The following COL7A1 variants were observed in gnomAD, a reference collection of about 807,000 sequenced individuals.
The protein encoded by COL7A1 is collagen type VII alpha 1 chain.
A neutral mutation model predicts 456.2 loss-of-function variants in COL7A1; 296 were observed. The ratio of observed to expected loss-of-function variants is 0.65; its 90% CI spans 0.59 to 0.71. COL7A1 has a LOEUF of 0.71. Among genes scored for constraint, COL7A1 ranks in the 30% least tolerant of loss-of-function variants. The pLI is 0.00. For synonymous variants in COL7A1, 1,464 were observed against 1,525.9 expected (o/e 0.96, Z 0.95); for missense variants, 3,441 against 4,017.2 (o/e 0.86, Z 3.88).
chr3:48,575,966 C>T lies in COL7A1; in HGVS notation c.5821-64G>A, dbSNP rs549712143. Reference sequence around the variant, plus strand: ...AGAAGCTCCTGCCTTCTGCCCCGCACGGCCTCAGGAAAGCACCTTCACACC... The same window carrying T: ...AGAAGCTCCTGCCTTCTGCCCCGCATGGCCTCAGGAAAGCACCTTCACACC... On this transcript the variant is annotated intron_variant, in intron 71 of 118. Coordinates refer to ENST00000681320, the MANE Select transcript of COL7A1 (RefSeq NM_000094.4). This position sits in a 1 kb window ranked among gnomAD's most constrained non-coding sequence, Gnocchi z 6.3. The T allele has an allele frequency of 5.3e-5, 86 of 1,612,608 alleles. 1 individual carries two copies. Among genetic ancestry groups the T allele is most frequent in the African/African-American group, 3.3e-4 (25 of 75,020 alleles).
rs1196926411 is a variant in COL7A1 at position 48,572,233 on chromosome 3, G to A, written c.6979-62C>T. 8.1e-6 allele frequency: 13 copies of A among 1,612,886 alleles called. No individual in the cohort carries two copies. Among genetic ancestry groups the A allele is most frequent in the Non-Finnish European group, 1.0e-5 (12 of 1,179,066 alleles). On this transcript the variant is annotated intron_variant, in intron 90 of 118. Coordinates refer to ENST00000681320, the MANE Select transcript of COL7A1 (RefSeq NM_000094.4). This position sits in a 1 kb window ranked among gnomAD's most constrained non-coding sequence, Gnocchi z 4.6. ...TCACAGAAAGATGAGACTCCGGAGG[G>A]AGGCATGGGGCCAGAGCTTAAATAT...
chr3:48,573,997 C>T lies in COL7A1; in HGVS notation c.6502-107G>A, dbSNP rs2044111963. ...GGTCAATTTCCATACCTCACCCTTT[C>T]CAGTCACAGATAATACCTACCCATG... On this transcript the variant is annotated intron_variant, in intron 80 of 118. Transcript: ENST00000681320. This position sits in a 1 kb window ranked among gnomAD's most constrained non-coding sequence, Gnocchi z 5.5. 2 of 1,424,484 alleles carry T rather than the reference C, an allele frequency of 1.4e-6. No homozygotes were observed. Among genetic ancestry groups the T allele is most frequent in the South Asian group, 2.4e-5 (2 of 82,312 alleles). The allele number at this position is 1,424,484 out of a possible 1,614,324, so 88.2% of individuals were successfully genotyped here.
Position 48,580,485 on chromosome 3 carries a change from G to A in COL7A1, c.5052+96C>T. On this transcript the variant is annotated intron_variant, in intron 55 of 118. Transcript: ENST00000681320. The surrounding 1 kb of genome is among the most constrained non-coding windows in gnomAD (Gnocchi z 4.5). ...GTCAAAGGAAGTGAAGATTGGGAGG[G>A]TTTAGCATTACAGGGTTGGGGGGTA... 2 of 1,497,768 alleles carry A rather than the reference G, an allele frequency of 1.3e-6. No individual in the cohort carries two copies. Among genetic ancestry groups the A allele is most frequent in the Admixed American group, 1.8e-5 (1 of 55,000 alleles). The allele number at this position is 1,497,768 out of a possible 1,614,324, so 92.8% of individuals were successfully genotyped here. A position where few individuals can be genotyped will look rare whatever the true frequency, so the allele number is the denominator to read the frequency against.
Position 48,568,264 on chromosome 3 carries a change from G to A in COL7A1, c.7795-94C>T. On this transcript the variant is annotated intron_variant, in intron 105 of 118. Transcript: ENST00000681320. This position sits in a 1 kb window ranked among gnomAD's most constrained non-coding sequence, Gnocchi z 5.2. ...AGTGGGTAGGGAACACCATGGGGTG[G>A]GAGTCACCTCTGGAGGCCAGAGCCA... The A allele has an allele frequency of 1.4e-6, 2 of 1,431,906 alleles. No homozygotes were observed. Among genetic ancestry groups the A allele is most frequent in the Non-Finnish European group, 1.9e-6 (2 of 1,027,282 alleles). The allele number at this position is 1,431,906 out of a possible 1,614,324, so 88.7% of individuals were successfully genotyped here. A position where few individuals can be genotyped will look rare whatever the true frequency, so the allele number is the denominator to read the frequency against.
Position 48,571,185 on chromosome 3 carries a change from C to G in COL7A1, c.7105-25G>C, listed in dbSNP as rs2043895430. ...CCTTTGAGGAAAAGAGGCATCGGAT[C>G]AAGCTCAGGGAGTCTCACGACCAGG... On this transcript the variant is annotated intron_variant, in intron 93 of 118. Coordinates refer to ENST00000681320, the MANE Select transcript of COL7A1 (RefSeq NM_000094.4). The surrounding 1 kb of genome is among the most constrained non-coding windows in gnomAD (Gnocchi z 4.6). 6.2e-7 allele frequency: 1 copy of G among 1,614,092 alleles called. No homozygotes were observed. The highest frequency in any genetic ancestry group is 8.5e-7 in the Non-Finnish European group (1 of 1,180,038).
Position 48,585,800 on chromosome 3 carries a change from T to G in COL7A1, c.3786+30A>C. ...CCTGCCCCACTGACACTCAACCCAT[T>G]CTCTATTCCCCGCCCGCAGGGGCAC... On this transcript the variant is annotated intron_variant, in intron 30 of 118. Coordinates refer to ENST00000681320, the MANE Select transcript of COL7A1 (RefSeq NM_000094.4). The surrounding 1 kb of genome is among the most constrained non-coding windows in gnomAD (Gnocchi z 4.5). 6.2e-7 allele frequency: 1 copy of G among 1,614,020 alleles called. No homozygotes were observed. Among genetic ancestry groups the G allele is most frequent in the South Asian group, 1.1e-5 (1 of 91,078 alleles).
Position 48,586,631 on chromosome 3 carries a change from T to A in COL7A1, c.3335A>T (p.His1112Leu). The A allele has an allele frequency of 6.2e-7, 1 of 1,613,566 alleles. No homozygotes were observed. Among genetic ancestry groups the A allele is most frequent in the Non-Finnish European group, 8.5e-7 (1 of 1,179,962 alleles). Residue 1112 changes from histidine (H) to leucine (L), a missense_variant, in exon 26 of 119, where the codon CAT (histidine) becomes CTT (leucine). Physicochemically the swap from His to Leu is moderately conservative, Grantham distance 99 (BLOSUM62 -3). Coordinates refer to ENST00000681320, the MANE Select transcript of COL7A1 (RefSeq NM_000094.4). This position sits in a 1 kb window ranked among gnomAD's most constrained non-coding sequence, Gnocchi z 5.1. ...CCTTTGCAAGATAATGCCAAGGTCA[T>A]GGGAGCCATTCAGTGGGAACAGTGG... Reference protein sequence around the residue: ...PSPLFPLNGSHDLGIILQRIR... With the variant: ...PSPLFPLNGSLDLGIILQRIR...
chr3:48,590,403 G>T lies in COL7A1; in HGVS notation c.1907-47C>A. 1 of 1,614,024 alleles carries T rather than the reference G, an allele frequency of 6.2e-7. No homozygotes were observed. Among genetic ancestry groups the T allele is most frequent in the Non-Finnish European group, 8.5e-7 (1 of 1,179,996 alleles). On this transcript the variant is annotated intron_variant, in intron 15 of 118. Transcript: ENST00000681320. The surrounding 1 kb of genome is among the most constrained non-coding windows in gnomAD (Gnocchi z 4.6). ...GGCATGGCTCCTGCCTGTCCCCTCTGGCACCCATACCCTCATTGGTCCCTT... is the reference window on the plus strand; with the variant it reads ...GGCATGGCTCCTGCCTGTCCCCTCTTGCACCCATACCCTCATTGGTCCCTT...
In COL7A1 at chr3:48,572,107, C is replaced by G. The variant is rs2043963836; in HGVS notation, c.7023+20G>C. 2 of 1,613,932 alleles carry G rather than the reference C, an allele frequency of 1.2e-6. No homozygotes were observed. Among genetic ancestry groups the G allele is most frequent in the Non-Finnish European group, 1.7e-6 (2 of 1,179,938 alleles). ...GCCTTCTCTGCTCAGTAGTCAGGCC[C>G]CAGGGCCAACCCACCTCACCTTCTC... On this transcript the variant is annotated intron_variant, in intron 91 of 118. Transcript: ENST00000681320. The surrounding 1 kb of genome is among the most constrained non-coding windows in gnomAD (Gnocchi z 4.6).
At position 48,567,488 on chromosome 3, in the gene COL7A1, T is replaced by C; in HGVS notation, c.8046+86A>G. The C allele has an allele frequency of 6.3e-7, 1 of 1,576,928 alleles. No individual in the cohort carries two copies. The highest frequency in any genetic ancestry group is 1.1e-5 in the South Asian group (1 of 90,332). ...AAGTCCCAACCCTCTACAGCCTTCC[T>C]TGTCCCTACACCCCCATGACCCGAC... On this transcript the variant is annotated intron_variant, in intron 109 of 118. Coordinates refer to ENST00000681320, the MANE Select transcript of COL7A1 (RefSeq NM_000094.4). The surrounding 1 kb of genome is among the most constrained non-coding windows in gnomAD (Gnocchi z 4.3).
Position 48,581,267 on chromosome 3 carries a change from C to T in COL7A1, c.4892G>A (p.Gly1631Glu). 6.2e-7 allele frequency: 1 copy of T among 1,613,428 alleles called. No individual in the cohort carries two copies. The highest frequency in any genetic ancestry group is 8.5e-7 in the Non-Finnish European group (1 of 1,179,830). The change falls in exon 52 of 119, where the codon GGA becomes GAA. Residue 1631 changes from glycine (G) to glutamate (E), a missense_variant. By Grantham distance (98) the Gly-to-Glu change is moderately conservative. This residue lies in a region of COL7A1 where 2,084 missense variants were observed against 2,501.3 expected (regional missense o/e 0.83). Coordinates refer to ENST00000681320, the MANE Select transcript of COL7A1 (RefSeq NM_000094.4). This position sits in a 1 kb window ranked among gnomAD's most constrained non-coding sequence, Gnocchi z 5.8. ...CCGACTCCAGCCTCTTACATCTCGT[C>T]CTCGGGGGCCAACAGGTCCTGGGGG... ...PGPPGPVGPR[G>E]RDGEVGEKGD...
chr3:48,579,856 G>A lies in COL7A1; in HGVS notation c.5125-42C>T, dbSNP rs751208851. The A allele has an allele frequency of 1.2e-6, 2 of 1,614,008 alleles. No homozygotes were observed. Among genetic ancestry groups the A allele is most frequent in the Non-Finnish European group, 1.7e-6 (2 of 1,179,962 alleles). ...CAGTGAGAAGAATGGCTCAACAAGG[G>A]GAAGAGGAGTTGGCGAGGGGATACA... On this transcript the variant is annotated intron_variant, in intron 57 of 118. Coordinates refer to ENST00000681320, the MANE Select transcript of COL7A1 (RefSeq NM_000094.4). The surrounding 1 kb of genome is among the most constrained non-coding windows in gnomAD (Gnocchi z 4.4).
chr3:48,567,325 T>C lies in COL7A1; in HGVS notation c.8047-135A>G. On this transcript the variant is annotated intron_variant, in intron 109 of 118. Transcript: ENST00000681320. The surrounding 1 kb of genome is among the most constrained non-coding windows in gnomAD (Gnocchi z 4.3). ...CAAGCACCTGTGAGCCAACCAGATG[T>C]GATCCCCATGACTCCAACTCCACTA... 1 of 1,129,890 alleles carries C rather than the reference T, an allele frequency of 8.9e-7. No individual in the cohort carries two copies. 70.0% of individuals were successfully genotyped at this position (1,129,890 alleles called of 1,614,324 possible). A position where few individuals can be genotyped will look rare whatever the true frequency, so the allele number is the denominator to read the frequency against.
Position 48,592,995 on chromosome 3 carries a change from C to T in COL7A1, c.683-57G>A. The T allele has an allele frequency of 6.2e-7, 1 of 1,612,260 alleles. No homozygotes were observed. Among genetic ancestry groups the T allele is most frequent in the Non-Finnish European group, 8.5e-7 (1 of 1,179,390 alleles). On this transcript the variant is annotated intron_variant, in intron 6 of 118. Coordinates refer to ENST00000681320, the MANE Select transcript of COL7A1 (RefSeq NM_000094.4). This position sits in a 1 kb window ranked among gnomAD's most constrained non-coding sequence, Gnocchi z 7.6. ...AGGATTGGGGTGGGCATGTATGATG[C>T]AGAGTTGGGGTCGGGGTCAGGAGCA... is the stretch of plus-strand genomic sequence containing the variant.
rs1457557090 is a variant in COL7A1 at position 48,585,164 on chromosome 3, C to A, written c.3895-48G>T. 6.3e-7 allele frequency: 1 copy of A among 1,590,620 alleles called. No individual in the cohort carries two copies. Among genetic ancestry groups the A allele is most frequent in the Non-Finnish European group, 8.6e-7 (1 of 1,166,918 alleles). Reference sequence around the variant, plus strand: ...ACAGGAAGGGACCCTCCCCCAAGGCCCCTGGTTTGCTGGAGGGGCCTCACC... The same window carrying A: ...ACAGGAAGGGACCCTCCCCCAAGGCACCTGGTTTGCTGGAGGGGCCTCACC... On this transcript the variant is annotated intron_variant, in intron 32 of 118. Transcript: ENST00000681320. This position sits in a 1 kb window ranked among gnomAD's most constrained non-coding sequence, Gnocchi z 4.5.
Position 48,581,646 on chromosome 3 carries a change from G to A in COL7A1, c.4723-14C>T, listed in dbSNP as rs766562439. On this transcript the variant is annotated splice_polypyrimidine_tract_variant and intron_variant, in intron 49 of 118. Transcript: ENST00000681320. This position sits in a 1 kb window ranked among gnomAD's most constrained non-coding sequence, Gnocchi z 5.8. ...GCCGGGTGGGCCCTGTGGATGGAAG[G>A]ATAAGAAGTCAGGAAGACAACCTTC... 2 of 1,614,052 alleles carry A rather than the reference G, an allele frequency of 1.2e-6. No individual in the cohort carries two copies. The highest frequency in any genetic ancestry group is 1.3e-5 in the African/African-American group (1 of 74,912).
chr3:48,572,365 A>G lies in COL7A1; in HGVS notation c.6978+15T>C. ...GGACCCCCAGAACATCTGCTGTCAGAAGTTCCCTACTTACCGGCTCACCCA... is the reference window on the plus strand; with the variant it reads ...GGACCCCCAGAACATCTGCTGTCAGGAGTTCCCTACTTACCGGCTCACCCA... On this transcript the variant is annotated intron_variant, in intron 90 of 118. Coordinates refer to ENST00000681320, the MANE Select transcript of COL7A1 (RefSeq NM_000094.4). This position sits in a 1 kb window ranked among gnomAD's most constrained non-coding sequence, Gnocchi z 4.6. 1.2e-6 allele frequency: 2 copies of G among 1,614,080 alleles called. No individual in the cohort carries two copies. Among genetic ancestry groups the G allele is most frequent in the East Asian group, 2.2e-5 (1 of 44,860 alleles).
rs1346218458 is a variant in COL7A1, at chr3:48,566,765, G to T, written c.8227-28C>A. 1 of 1,612,780 alleles carries T rather than the reference G, an allele frequency of 6.2e-7. No homozygotes were observed. Among genetic ancestry groups the T allele is most frequent in the Admixed American group, 1.7e-5 (1 of 60,010 alleles). On this transcript the variant is annotated intron_variant, in intron 111 of 118. Transcript: ENST00000681320. The surrounding 1 kb of genome is among the most constrained non-coding windows in gnomAD (Gnocchi z 5.9). ...GTCAGACACAGGGACCAAGTGAGCA[G>T]GGTCAGAGGCAGTGGGGATCAGAGT...
Position 48,593,356 on chromosome 3 carries a change from C to A in COL7A1, c.520G>T (p.Gly174Trp), listed in dbSNP as rs1245411910. The A allele has an allele frequency of 6.2e-7, 1 of 1,614,114 alleles. No homozygotes were observed. Among genetic ancestry groups the A allele is most frequent in the South Asian group, 1.1e-5 (1 of 91,078 alleles). ...CCTGTCACTCCTGCTCGGTCCTTAC[C>A]CACAGCAAATAGCTTGACCCCCTGC... The part of the protein sequence containing the change: ...KGQGVKLFAV[G>W]IKNADPEELK... The change falls in exon 5 of 119, where the codon GGG becomes TGG. Residue 174 changes from glycine (G) to tryptophan (W), a missense_variant and splice_region_variant. By Grantham distance (184) the Gly-to-Trp change is radical (BLOSUM62 -2). Coordinates refer to ENST00000681320, the MANE Select transcript of COL7A1 (RefSeq NM_000094.4). The surrounding 1 kb of genome is among the most constrained non-coding windows in gnomAD (Gnocchi z 4.4).
Sources: gnomAD v4.1 joint callset for allele counts on GRCh38, gnomAD v4.1.1 for gene constraint, gnomAD v4.1.1 regional missense constraint, Gnocchi (gnomAD v3.1) non-coding constraint, MANE v1.5 for transcripts, NCBI Gene and HGNC (gene_info 2026-07-23, HGNC 2026-07-21) for gene names.